Variants in TAOK1 observed in about 807,000 individuals in gnomAD.
The protein encoded by TAOK1 is serine/threonine-protein kinase TAO1.
A neutral mutation model predicts 138.3 loss-of-function variants in TAOK1; 21 were observed. The observed-to-expected ratio is 0.15, with a 90% CI of 0.11 to 0.22. TAOK1 has a LOEUF of 0.22. TAOK1 is among the 10% of genes least tolerant of loss of function. The pLI is 1.00. For missense variants in TAOK1, 651 were observed against 1,227.7 expected, an observed-to-expected ratio of 0.53 and a Z score of 7.02; for synonymous variants, 361 against 398.4, an observed-to-expected ratio of 0.91 and a Z score of 1.12.
At chr17:29,536,367 G>A (rs1231907829) in intron 19 of TAOK1, among the ~76,000 whole-genome samples, 1 of 151,876 alleles carries the variant, frequency 6.6e-6, no homozygotes, top group Non-Finnish European at 1.5e-5. Flanking sequence ...GGAGGCCAAG[G>A]CGGGCGGATC....
At chr17:29,466,009 C>T (rs1242769969) in intron 2 of TAOK1, among the ~76,000 whole-genome samples, 1 of 151,942 alleles carries the variant, frequency 6.6e-6, no homozygotes, top group Non-Finnish European at 1.5e-5. Flanking sequence ...GTTTGGCCTT[C>T]TCTACAATTG....
At chr17:29,456,312 A>G (rs1815276597) in intron 2 of TAOK1, among the ~76,000 whole-genome samples, 1 of 150,036 alleles carries the variant, frequency 6.7e-6, no homozygotes, top group Non-Finnish European at 1.5e-5. Context: ...AGATCATGCC[A>G]CTGCACTCCA....
rs754423995 is a variant in TAOK1 at position 29,522,252 on chromosome 17, T to C, written c.1909-28T>C. ...TCTGGCATTATACAGCAGTAAGTTA[T>C]ACCTTTGTCTTTTGTGTTATGGATT... On this transcript the variant is annotated intron_variant, in intron 16 of 19. Transcript: ENST00000261716. 4.3e-6 allele frequency: 7 copies of C among 1,611,092 alleles called. No homozygotes were observed. The Admixed American group carries it at 6.7e-5, about 15-fold the overall frequency.
At position 29,547,196 on chromosome 17, in the gene TAOK1, A is replaced by G. The variant is rs1369373944; in HGVS notation, c.*4174A>G. On this transcript the variant is annotated 3_prime_UTR_variant, in exon 20 of 20. Coordinates refer to ENST00000261716, the MANE Select transcript of TAOK1 (RefSeq NM_020791.4). Reference sequence around the variant, plus strand: ...ATATGTATTTCTTAGTAGTGATACCATTGATCCTCTTACTTTTTTTACTCC... The same window carrying G: ...ATATGTATTTCTTAGTAGTGATACCGTTGATCCTCTTACTTTTTTTACTCC... 1 of 152,144 alleles carries G rather than the reference A, an allele frequency of 6.6e-6. No individual in the cohort carries two copies. The highest frequency in any genetic ancestry group is 1.9e-4 in the East Asian group (1 of 5,198). 9.4% of individuals were successfully genotyped at this position (152,144 alleles called of 1,614,324 possible). A position where few individuals can be genotyped will look rare whatever the true frequency, so the allele number is the denominator to read the frequency against.
intron 1 of TAOK1, among the ~76,000 whole-genome samples, chr17:29,451,106 A>G (rs896385390): frequency 3.9e-5 from 6 of 152,222 alleles, no homozygotes; most frequent in African/African-American, 1.4e-4. Context: ...CTGTGGGCAC[A>G]TCTTGCGTTA....
At chr17:29,493,647 G>C (rs1025427949) in intron 10 of TAOK1, among the ~76,000 whole-genome samples, 3 of 152,084 alleles carry the variant, frequency 2.0e-5, no homozygotes, top group African/African-American at 7.2e-5. Context: ...TCATTTGCCT[G>C]GCCCCTAGTG....
At chr17:29,512,493 C>G in intron 15 of TAOK1, 1 of 151,938 alleles carries the variant, frequency 6.6e-6, no homozygotes, top group East Asian at 1.9e-4. Context: ...GATTCTCCTG[C>G]CTCAGCCTCT....
chr17:29,470,125 C>T (rs376669798), intron 3 of TAOK1, among the ~76,000 whole-genome samples: 23 of 152,252 alleles, frequency 1.5e-4, no homozygotes, highest in African/African-American at 5.3e-4. Flanking sequence ...CCTCTCACAC[C>T]TCCTAAATCT....
intron 3 of TAOK1, among the ~76,000 whole-genome samples, chr17:29,468,046 C>T (rs190370047): frequency 9.3e-5 from 14 of 150,762 alleles, no homozygotes; most frequent in African/African-American, 3.2e-4. Flanking sequence ...AGGCTGGTCT[C>T]AAACTCCTGA....
chr17:29,522,788 C>G (rs1055920467), intron 17 of TAOK1, among the ~76,000 whole-genome samples: 16 of 152,110 alleles, frequency 1.1e-4, no homozygotes, highest in African/African-American at 3.9e-4. Flanking sequence ...TTAAACTTAT[C>G]CAAGGGCAGG....
intron 2 of TAOK1, among the ~76,000 whole-genome samples, chr17:29,459,136 G>A (rs1217101269): frequency 6.6e-6 from 1 of 152,090 alleles, no homozygotes; most frequent in Non-Finnish European, 1.5e-5. Flanking sequence ...TTGTGCTTTT[G>A]TTAGCTTCTG....
intron 1 of TAOK1, among the ~76,000 whole-genome samples, chr17:29,410,156 C>G (rs898441973): frequency 6.6e-6 from 1 of 152,170 alleles, no homozygotes; most frequent in Non-Finnish European, 1.5e-5. Flanking sequence ...CACTTAATCT[C>G]TGGGCCTCAG....
intron 4 of TAOK1, among the ~76,000 whole-genome samples, 199 bp from the exon 5 acceptor site, chr17:29,477,462 A>G (rs535551505): frequency 6.6e-5 from 10 of 151,822 alleles, no homozygotes; most frequent in Admixed American, 1.3e-4. Flanking sequence ...CACTGAATAC[A>G]TAACTATTTT....
At chr17:29,497,378 A>G (rs898452587) in intron 11 of TAOK1, among the ~76,000 whole-genome samples, 7 of 152,222 alleles carry the variant, frequency 4.6e-5, no homozygotes, top group African/African-American at 1.7e-4. Flanking sequence ...GATATGTGAA[A>G]TACTTTAATA....
rs2031674159 is a variant in TAOK1 at position 29,509,073 on chromosome 17, T to TA, written c.1575+944dup. On this transcript the variant is annotated intron_variant, in intron 14 of 19. Coordinates refer to ENST00000261716, the MANE Select transcript of TAOK1 (RefSeq NM_020791.4). ...GACCCTGACAAAATAATTTATAGTA[T>TA]AAATACATACTTGATTTTGAAATAA... 3.3e-5 allele frequency among the ~76,000 whole-genome samples: 5 copies of TA among 152,216 alleles called. 1 individual carries two copies. In the South Asian group the frequency reaches 1.0e-3, roughly 31 times the overall value.
intron 19 of TAOK1, 93 bp from the exon 20 acceptor site, chr17:29,542,468 A>G (rs2032333681): frequency 9.0e-7 from 1 of 1,113,836 alleles, no homozygotes; most frequent in African/African-American, 1.6e-5. Context: ...CATCCATAAA[A>G]TAACCACTTC....
At chr17:29,461,415 A>G (rs1270680323) in intron 2 of TAOK1, among the ~76,000 whole-genome samples, 1 of 152,180 alleles carries the variant, frequency 6.6e-6, no homozygotes, top group Non-Finnish European at 1.5e-5. Context: ...AACAAAAGGT[A>G]TATTTAGATA....
chr17:29,422,665 T>G (rs1905490378), intron 1 of TAOK1, among the ~76,000 whole-genome samples: 1 of 152,250 alleles, frequency 6.6e-6, no homozygotes, highest in Non-Finnish European at 1.5e-5. Flanking sequence ...TATCACCTCT[T>G]TAATTCCTGA....
chr17:29,410,236 A>G (rs1905104373), intron 1 of TAOK1, among the ~76,000 whole-genome samples: 1 of 152,138 alleles, frequency 6.6e-6, no homozygotes, highest in African/African-American at 2.4e-5. Flanking sequence ...GCATTGTTAC[A>G]TGTATAGCTC....
Sources: gnomAD v4.1 joint callset for allele counts (sites outside exome capture counted in the v4.1 genomes callset) on GRCh38, gnomAD v4.1.1 for gene constraint, MANE v1.5 for transcripts, NCBI Gene and HGNC (gene_info 2026-07-23, HGNC 2026-07-21) for gene names.